The following VCL variants were observed in gnomAD, a reference collection of about 807,000 sequenced individuals.
VCL encodes vinculin, also known as epididymis luminal protein 114.
Under a neutral mutation model 125.7 loss-of-function variants are expected in VCL, and 47 were observed. The observed-to-expected ratio is 0.37, with a 90% confidence interval of 0.30 to 0.48. The LOEUF (loss-of-function observed/expected upper bound fraction) is 0.48. Ranked by LOEUF, VCL falls within the 20% of genes least tolerant of loss-of-function variation. The pLI is 0.99. For synonymous variants in VCL, 458 were observed against 514.6 expected (o/e 0.89, Z 1.49); for missense variants, 1,069 against 1,455.5 (o/e 0.73, Z 4.32).
intron 1 of VCL, among the ~76,000 whole-genome samples, chr10:74,032,709 A>AAT (rs71482564): frequency 1.2e-3 from 164 of 138,068 alleles, no homozygotes; most frequent in East Asian, 5.4e-3. Context: ...CAAAAAAAAA[A>AAT]ATATATATAT....
intron 12 of VCL, among the ~76,000 whole-genome samples, chr10:74,096,352 C>CAAAT (rs539133731): frequency 1.1e-3 from 160 of 151,702 alleles, no homozygotes; most frequent in Middle Eastern, 3.4e-3. Flanking sequence ...GACTCCATTT[C>CAAAT]AAATAAATAA....
intron 8 of VCL, among the ~76,000 whole-genome samples, chr10:74,085,221 T>C (rs1057345715): frequency 6.6e-6 from 1 of 152,244 alleles, no homozygotes; most frequent in Non-Finnish European, 1.5e-5. Flanking sequence ...AAATGCCTAA[T>C]AGTAAAGTTG....
In VCL at chr10:74,115,387, GATAAATAAATAAATAA is replaced by G. The variant is rs142695515; in HGVS notation, c.3258+505_3258+520del. On this transcript the variant is annotated intron_variant, in intron 21 of 21. Coordinates refer to ENST00000211998, the MANE Select transcript of VCL (RefSeq NM_014000.3). The stretch of plus-strand genomic sequence containing the variant: ...GCAAGACCCCATCTCAAAATAAATA[GATAAATAAATAAATAA>G]ATAAATAAATAAATAAGTAAATAAA... Among the ~76,000 whole-genome samples, 15 of 150,396 alleles carry G rather than the reference GATAAATAAATAAATAA, an allele frequency of 1.0e-4. 1 individual carries two copies. In the East Asian group the frequency reaches 2.7e-3, roughly 27 times the overall value.
intron 5 of VCL, 42 bp from the exon 6 acceptor site, chr10:74,074,701 G>T: frequency 1.2e-6 from 2 of 1,601,562 alleles, no homozygotes. Flanking sequence ...TATACAACAA[G>T]ATTAAATTCC....
chr10:74,096,165 T>TTA (rs1839965946), intron 12 of VCL, among the ~76,000 whole-genome samples: 4 of 151,732 alleles, frequency 2.6e-5, no homozygotes, highest in African/African-American at 7.3e-5. Context: ...TTTTTTTTTT[T>TTA]AAATGGACTT....
intron 11 of VCL, among the ~76,000 whole-genome samples, chr10:74,095,098 T>C (rs558115739): frequency 9.2e-5 from 14 of 152,292 alleles, no homozygotes; most frequent in African/African-American, 2.9e-4. Flanking sequence ...TTCATACCCA[T>C]TGACTCAGGA....
chr10:74,072,749 G>A lies in VCL; in HGVS notation c.519G>A (p.Lys173=), dbSNP rs1060504505. The change falls in exon 5 of 22, where the codon AAG becomes AAA. Residue 173 remains lysine, a synonymous_variant. Coordinates refer to ENST00000211998, the MANE Select transcript of VCL (RefSeq NM_014000.3). ...NLGPGMTKMA[K]MIDERQQELT... ...CCCCAGGAATGACTAAGATGGCCAA[G>A]ATGATTGACGAGAGACAGCAGGAGC... 5 of 1,614,038 alleles carry A rather than the reference G, an allele frequency of 3.1e-6. No individual in the cohort carries two copies. Among genetic ancestry groups the A allele is most frequent in the Non-Finnish European group, 4.2e-6 (5 of 1,179,982 alleles).
intron 1 of VCL, among the ~76,000 whole-genome samples, chr10:74,034,008 T>A (rs1034979901): frequency 4.6e-5 from 7 of 152,028 alleles, no homozygotes; most frequent in Non-Finnish European, 8.8e-5. Flanking sequence ...GTAAGCTCCA[T>A]GAGATCTGGG....
intron 1 of VCL, among the ~76,000 whole-genome samples, chr10:74,000,951 C>A (rs894591483): frequency 6.6e-6 from 1 of 152,124 alleles, no homozygotes; most frequent in African/African-American, 2.4e-5. Flanking sequence ...AATAGTTAAT[C>A]ATGAACAAAG....
intron 7 of VCL, 98 bp downstream of exon 7, chr10:74,082,642 G>T: frequency 1.6e-6 from 2 of 1,267,210 alleles, no homozygotes; most frequent in Admixed American, 3.8e-5. Context: ...TCATCTGAGA[G>T]AACTACTGTA....
intron 1 of VCL, among the ~76,000 whole-genome samples, chr10:74,038,749 A>G (rs1312271230): frequency 6.6e-6 from 1 of 152,184 alleles, no homozygotes; most frequent in African/African-American, 2.4e-5. Flanking sequence ...ACCTCTACTG[A>G]GGTCAGAATA....
Position 74,103,278 on chromosome 10 carries a change from A to G in VCL, c.2023-542A>G, listed in dbSNP as rs181937588. 3.7e-3 allele frequency among the ~76,000 whole-genome samples: 564 copies of G among 152,306 alleles called. 1 individual carries two copies. The highest frequency in any genetic ancestry group is 0.013 in the African/African-American group (527 of 41,580). On this transcript the variant is annotated intron_variant, in intron 14 of 21. Coordinates refer to ENST00000211998, the MANE Select transcript of VCL (RefSeq NM_014000.3). The stretch of plus-strand genomic sequence containing the variant: ...ATGCATGTACAGCCTGTATCTTACC[A>G]GATACGTGGCAAATGTTAATCCTTT...
chr10:74,034,244 A>G (rs1299167689), intron 1 of VCL, among the ~76,000 whole-genome samples: 1 of 152,168 alleles, frequency 6.6e-6, no homozygotes, highest in Non-Finnish European at 1.5e-5. Context: ...GGATAAGTCT[A>G]TTGCATTGCA....
rs1440716590 is a variant in VCL at position 74,031,755 on chromosome 10, C to T, written c.169-11328C>T. Among the ~76,000 whole-genome samples the T allele has an allele frequency of 2.6e-5, 4 of 151,966 alleles. No individual in the cohort carries two copies. In the East Asian group the frequency reaches 5.8e-4, roughly 22 times the overall value. ...TCACCATGGTGAAACCCTGTCTCTA[C>T]AAAAAATACTAAAAATTAGCCGAGT... On this transcript the variant is annotated intron_variant, in intron 1 of 21. Coordinates refer to ENST00000211998, the MANE Select transcript of VCL (RefSeq NM_014000.3).
intron 2 of VCL, among the ~76,000 whole-genome samples, chr10:74,070,389 T>C (rs1265933824): frequency 6.6e-6 from 1 of 152,194 alleles, no homozygotes; most frequent in Non-Finnish European, 1.5e-5. Flanking sequence ...AAATAAAGAA[T>C]AAGGGCAGTG....
rs1271589037 is a variant in VCL at position 74,094,354 on chromosome 10, G to A, written c.1436G>A (p.Arg479Gln). 7.4e-6 allele frequency: 12 copies of A among 1,613,968 alleles called. No homozygotes were observed. Among genetic ancestry groups the A allele is most frequent in the Admixed American group, 6.7e-5 (4 of 59,996 alleles). Reference protein sequence around the residue: ...ALQNLQTKTNRAVANSRPAKA... With the variant: ...ALQNLQTKTNQAVANSRPAKA... The stretch of plus-strand genomic sequence containing the variant: ...CAGAACCTGCAGACCAAAACCAACC[G>A]GGCTGTGGCCAACAGCAGACCGGCC... The change falls in exon 11 of 22, where the codon CGG becomes CAG. Residue 479 changes from arginine to glutamine, a missense_variant. Coordinates refer to ENST00000211998, the MANE Select transcript of VCL (RefSeq NM_014000.3).
intron 21 of VCL, among the ~76,000 whole-genome samples, chr10:74,115,417 T>G (rs1840296390): frequency 6.6e-6 from 1 of 151,736 alleles, no homozygotes; most frequent in Admixed American, 6.6e-5. Context: ...AATAAATAAA[T>G]AAGTAAATAA....
Position 74,102,160 on chromosome 10 carries a change from C to T in VCL, c.2022+1063C>T, listed in dbSNP as rs372142138. 9.2e-5 allele frequency among the ~76,000 whole-genome samples: 14 copies of T among 151,856 alleles called. No individual in the cohort carries two copies. In the East Asian group the frequency reaches 9.6e-4, roughly 10 times the overall value. ...GATTACAGGCATGAGCTACTGCGGCCGGCTTGGATAATCTTAAGAGGCTAC... is the reference window on the plus strand; with the variant it reads ...GATTACAGGCATGAGCTACTGCGGCTGGCTTGGATAATCTTAAGAGGCTAC... On this transcript the variant is annotated intron_variant, in intron 14 of 21. Transcript: ENST00000211998.
At chr10:74,050,839 T>C (rs1230628310) in intron 2 of VCL, among the ~76,000 whole-genome samples, 3 of 151,546 alleles carry the variant, frequency 2.0e-5, no homozygotes, top group African/African-American at 7.3e-5. Context: ...CTCTGCCCAC[T>C]GCCTTGCTGC....
Sources: allele counts gnomAD v4.1 joint callset (sites outside exome capture counted in the v4.1 genomes callset), GRCh38; gene constraint gnomAD v4.1.1; transcripts MANE v1.5; gene names NCBI Gene and HGNC (gene_info 2026-07-23, HGNC 2026-07-21).